Variants in GLCE observed in about 807,000 individuals in gnomAD.
The protein encoded by GLCE is glucuronic acid epimerase.
GLCE carries 19 observed loss-of-function variants against 47.9 expected under a neutral mutation model. The ratio of observed to expected loss-of-function variants is 0.40; its 90% CI spans 0.28 to 0.58. The LOEUF is 0.58. Among genes scored for constraint, GLCE ranks in the 20% least tolerant of loss-of-function variants. GLCE has a pLI of 0.48. For synonymous variants in GLCE, 245 were observed against 263.4 expected (o/e 0.93, Z 0.68); for missense variants, 556 against 743.3 (o/e 0.75, Z 2.93).
At chr15:69,179,348 T>G (rs2051717630) in intron 1 of GLCE, among the ~76,000 whole-genome samples, 1 of 152,200 alleles carries the variant, frequency 6.6e-6, no homozygotes, top group South Asian at 2.1e-4. Flanking sequence ...AGAGGTACCA[T>G]ATACCCTTCA....
chr15:69,256,060 C>T lies in GLCE; in HGVS notation c.254C>T (p.Pro85Leu), dbSNP rs141517092. 3 of 1,613,834 alleles carry T rather than the reference C, an allele frequency of 1.9e-6. No individual in the cohort carries two copies. The highest frequency in any genetic ancestry group is 2.2e-5 in the South Asian group (2 of 91,066). ...EAFPQEQQKA[P>L]PVVGGFNSNV... ...TTCCCTCAGGAACAGCAGAAAGCACCCCCTGTTGTTGGGGGCTTCAATAGC... is the reference window on the plus strand; with the variant it reads ...TTCCCTCAGGAACAGCAGAAAGCACTCCCTGTTGTTGGGGGCTTCAATAGC... The change falls in exon 3 of 5, where the codon CCC becomes CTC. Residue 85 changes from proline to leucine, a missense_variant. By Grantham distance (98) the Pro-to-Leu change is moderately conservative (BLOSUM62 -3). This residue lies in a region of GLCE where 237 missense variants were observed against 310.9 expected (regional missense o/e 0.76). Transcript: ENST00000261858.
rs575912569 is a variant in GLCE at position 69,271,918 on chromosome 15, T to G, written c.*2674T>G. 1 of 152,764 alleles carries G rather than the reference T, an allele frequency of 6.5e-6. No homozygotes were observed. 9.5% of individuals were successfully genotyped at this position (152,764 alleles called of 1,614,324 possible). A position where few individuals can be genotyped will look rare whatever the true frequency, so the allele number is the denominator to read the frequency against. On this transcript the variant is annotated 3_prime_UTR_variant, in exon 5 of 5. Coordinates refer to ENST00000261858, the MANE Select transcript of GLCE (RefSeq NM_015554.3). ...CTGAAAGCTGCTATTTTCATCCTCC[T>G]TGTGGTTGCTTTTCTTGTTTCTCTT...
intron 1 of GLCE, among the ~76,000 whole-genome samples, chr15:69,191,765 G>C (rs2051916667): frequency 6.6e-6 from 1 of 152,146 alleles, no homozygotes; most frequent in African/African-American, 2.4e-5. Flanking sequence ...TGAAGTTCAA[G>C]TTCTTAGACA....
At chr15:69,183,900 A>G (rs1188169124) in intron 1 of GLCE, among the ~76,000 whole-genome samples, 3 of 152,236 alleles carry the variant, frequency 2.0e-5, no homozygotes, top group East Asian at 1.9e-4. Flanking sequence ...GGAAATGCCG[A>G]TAACAGAGAA....
At chr15:69,167,004 TCAGGAG>T (rs1298601084) in intron 1 of GLCE, among the ~76,000 whole-genome samples, 1 of 149,964 alleles carries the variant, frequency 6.7e-6, no homozygotes, top group African/African-American at 2.5e-5. Flanking sequence ...TCACTTGAGT[TCAGGAG>T]TTCGAGACCA....
rs1647623890 is a variant in GLCE, at chr15:69,270,432, A to T, written c.*1188A>T. The T allele has an allele frequency of 6.6e-6, 1 of 152,118 alleles. No homozygotes were observed. The highest frequency in any genetic ancestry group is 2.4e-5 in the African/African-American group (1 of 41,416). 9.4% of individuals were successfully genotyped at this position (152,118 alleles called of 1,614,324 possible). A position where few individuals can be genotyped will look rare whatever the true frequency, so the allele number is the denominator to read the frequency against. On this transcript the variant is annotated 3_prime_UTR_variant, in exon 5 of 5. Coordinates refer to ENST00000261858, the MANE Select transcript of GLCE (RefSeq NM_015554.3). ...ATACATATCCTCCTATACCGCACATAAATAGATTTCAGAGCCCCCATACAA... is the reference window on the plus strand; with the variant it reads ...ATACATATCCTCCTATACCGCACATTAATAGATTTCAGAGCCCCCATACAA...
At chr15:69,167,317 A>G (rs1470825115) in intron 1 of GLCE, among the ~76,000 whole-genome samples, 1 of 152,254 alleles carries the variant, frequency 6.6e-6, no homozygotes, top group Non-Finnish European at 1.5e-5. Context: ...AAAGCCTAGA[A>G]TGACTTTTTA....
chr15:69,203,098 A>C (rs943673752), intron 1 of GLCE, among the ~76,000 whole-genome samples: 3 of 152,114 alleles, frequency 2.0e-5, no homozygotes, highest in African/African-American at 7.2e-5. Flanking sequence ...AAATGTTACT[A>C]GGTAATGTTG....
intron 2 of GLCE, among the ~76,000 whole-genome samples, chr15:69,239,626 A>G (rs2052639122): frequency 6.6e-6 from 1 of 152,200 alleles, no homozygotes; most frequent in African/African-American, 2.4e-5. Context: ...AACACCAAAA[A>G]GGAAGTGTTC....
intron 4 of GLCE, among the ~76,000 whole-genome samples, chr15:69,263,145 T>C (rs1193340206): frequency 6.6e-6 from 1 of 152,164 alleles, no homozygotes; most frequent in Non-Finnish European, 1.5e-5. Context: ...ATTTTTGAAC[T>C]AAGGATGCTG....
At position 69,189,619 on chromosome 15, in the gene GLCE, G is replaced by C. The variant is rs551746429; in HGVS notation, c.-104-20697G>C. Among the ~76,000 whole-genome samples the C allele has an allele frequency of 2.6e-5, 4 of 152,254 alleles. No homozygotes were observed. In the East Asian group the frequency reaches 7.7e-4, roughly 29 times the overall value. On this transcript the variant is annotated intron_variant, in intron 1 of 4. Transcript: ENST00000261858. The stretch of plus-strand genomic sequence containing the variant: ...AACTGCCAAACTGTCTTCCAAAGTG[G>C]CTTTACCATTTTGCATTTTACTGAT...
chr15:69,260,320 C>T (rs897099359), intron 3 of GLCE, among the ~76,000 whole-genome samples: 14 of 133,688 alleles, frequency 1.0e-4, no homozygotes, highest in Admixed American at 6.0e-4. Flanking sequence ...AGGGCAGTGG[C>T]GCCATCTCGG....
intron 3 of GLCE, among the ~76,000 whole-genome samples, chr15:69,258,505 A>G (rs2058398875): frequency 6.6e-6 from 1 of 152,214 alleles, no homozygotes; most frequent in African/African-American, 2.4e-5. Flanking sequence ...GCCATGATAT[A>G]TGTAATGTAT....
chr15:69,188,799 A>C (rs988683968), intron 1 of GLCE, among the ~76,000 whole-genome samples: 1 of 152,036 alleles, frequency 6.6e-6, no homozygotes, highest in Non-Finnish European at 1.5e-5. Context: ...CCCCTCCTCC[A>C]TTAGTCTGGC....
At chr15:69,190,478 C>T (rs2051897164) in intron 1 of GLCE, among the ~76,000 whole-genome samples, 1 of 152,060 alleles carries the variant, frequency 6.6e-6, no homozygotes, top group Non-Finnish European at 1.5e-5. Flanking sequence ...CTGTTACTAG[C>T]TTAGGATTTT....
At chr15:69,258,785 T>C (rs2052971737) in intron 3 of GLCE, among the ~76,000 whole-genome samples, 1 of 152,198 alleles carries the variant, frequency 6.6e-6, no homozygotes, top group African/African-American at 2.4e-5. Context: ...TAAATTAAGA[T>C]CAAGTGAATA....
Position 69,272,142 on chromosome 15 carries a change from A to T in GLCE, c.*2898A>T, listed in dbSNP as rs1322103234. The stretch of plus-strand genomic sequence containing the variant: ...TTTTGTTTCTATACAAAGTAAATGG[A>T]TTGTTTGTGCTTAATGTAAAGCCGC... On this transcript the variant is annotated 3_prime_UTR_variant, in exon 5 of 5. Transcript: ENST00000261858. 2.0e-5 allele frequency: 3 copies of T among 152,612 alleles called. No individual in the cohort carries two copies. The highest frequency in any genetic ancestry group is 4.4e-5 in the Non-Finnish European group (3 of 68,020). 9.5% of individuals were successfully genotyped at this position (152,612 alleles called of 1,614,324 possible).
intron 1 of GLCE, among the ~76,000 whole-genome samples, chr15:69,178,222 A>T (rs1198162898): frequency 6.6e-6 from 1 of 152,202 alleles, no homozygotes; most frequent in Non-Finnish European, 1.5e-5. Flanking sequence ...GCTCGGTAAG[A>T]GTAAGATCAA....
chr15:69,217,419 A>T (rs1341878934), intron 2 of GLCE, among the ~76,000 whole-genome samples: 1 of 151,268 alleles, frequency 6.6e-6, no homozygotes, highest in Non-Finnish European at 1.5e-5. Context: ...ATAAATATAT[A>T]TTTTATTTCC....
Sources: gnomAD v4.1 joint callset for allele counts (sites outside exome capture counted in the v4.1 genomes callset) on GRCh38, gnomAD v4.1.1 for gene constraint, gnomAD v4.1.1 regional missense constraint, MANE v1.5 for transcripts, NCBI Gene and HGNC (gene_info 2026-07-23, HGNC 2026-07-21) for gene names.